The following ABCC2 variants were observed in gnomAD, a reference collection of about 807,000 sequenced individuals.
ABCC2 encodes the protein ATP binding cassette subfamily C member 2.
ABCC2 carries 157 observed loss-of-function variants against 173.4 expected under a neutral mutation model. The ratio of observed to expected loss-of-function variants is 0.91; its 90% CI spans 0.80 to 1.03. The LOEUF (loss-of-function observed/expected upper bound fraction) is 1.03. Among genes scored for constraint, ABCC2 ranks in the 50% least tolerant of loss-of-function variants. ABCC2 has a pLI of 0.00. For missense variants in ABCC2, 1,822 were observed against 1,852.3 expected, an observed-to-expected ratio of 0.98 and a Z score of 0.30; for synonymous variants, 657 against 693.5, an observed-to-expected ratio of 0.95 and a Z score of 0.83.
intron 8 of ABCC2, 43 bp from the exon 9 acceptor site, chr10:99,800,343 T>C: frequency 5.6e-6 from 9 of 1,605,290 alleles, no homozygotes; most frequent in Non-Finnish European, 7.7e-6. Flanking sequence ...GAGGCATCCT[T>C]GGAGGCCTTA....
intron 27 of ABCC2, 57 bp from the exon 28 acceptor site, chr10:99,844,265 C>CACG: frequency 6.2e-7 from 1 of 1,607,894 alleles, no homozygotes; most frequent in Non-Finnish European, 8.5e-7. Context: ...CCTGGGTGGA[C>CACG]TGTTCGGCTG....
chr10:99,822,427 T>C (rs7394179), intron 19 of ABCC2, among the ~76,000 whole-genome samples: 109,284 of 149,914 alleles, frequency 0.73, 41,197 homozygotes, highest in African/African-American at 0.93. Flanking sequence ...TGCTCGACTG[T>C]GGTGTCTCCG....
intron 23 of ABCC2, among the ~76,000 whole-genome samples, chr10:99,833,188 CAGT>C (rs1274727702): frequency 6.6e-6 from 1 of 152,216 alleles, no homozygotes; most frequent in Non-Finnish European, 1.5e-5. Context: ...GGGGCAGAAA[CAGT>C]GGGCATGATG....
intron 13 of ABCC2, among the ~76,000 whole-genome samples, chr10:99,809,234 TC>T (rs1334906936): frequency 2.0e-5 from 3 of 152,074 alleles, no homozygotes; most frequent in African/African-American, 7.2e-5. Context: ...ACACCTGTAG[TC>T]CCAGCTACTC....
rs1483880354 is a variant in ABCC2, at chr10:99,793,598, A to G, written c.381A>G (p.Lys127=). ...ACAGCAGACAATGGTGTGTACAGAA[A>G]AACTCCTGGTTCCTGTCCCTATTCT... ...IQYSRQWCVQ[K]NSWFLSLFWI... The change falls in exon 4 of 32, where the codon AAA becomes AAG. Residue 127 remains lysine, a synonymous_variant. Coordinates refer to ENST00000647814, the MANE Select transcript of ABCC2 (RefSeq NM_000392.5). The G allele has an allele frequency of 2.5e-6, 4 of 1,614,146 alleles. No homozygotes were observed. The highest frequency in any genetic ancestry group is 1.7e-5 in the Admixed American group (1 of 60,026).
Position 99,784,660 on chromosome 10 carries a change from A to G in ABCC2, c.86A>G (p.Gln29Arg), listed in dbSNP as rs761583735. The G allele has an allele frequency of 6.2e-7, 1 of 1,614,212 alleles. No individual in the cohort carries two copies. Among genetic ancestry groups the G allele is most frequent in the Non-Finnish European group, 8.5e-7 (1 of 1,180,038 alleles). ...GCAGACCTGCCACTTTGTTTTGAGC[A>G]AACTGTTCTGGTGTGGATTCCCTTG... ...PEADLPLCFEQTVLVWIPLGY... is the reference protein window; with the variant it reads ...PEADLPLCFERTVLVWIPLGY... The change falls in exon 2 of 32, where the codon CAA becomes CGA. Residue 29 changes from glutamine to arginine, a missense_variant. Coordinates refer to ENST00000647814, the MANE Select transcript of ABCC2 (RefSeq NM_000392.5).
At chr10:99,825,649 G>T (rs376299537) in intron 19 of ABCC2, among the ~76,000 whole-genome samples, 1 of 152,134 alleles carries the variant, frequency 6.6e-6, no homozygotes, top group Non-Finnish European at 1.5e-5. Flanking sequence ...CGCCTTTATA[G>T]TCTGAATCAA....
At position 99,811,610 on chromosome 10, in the gene ABCC2, G is replaced by C; in HGVS notation, c.1967+8G>C. On this transcript the variant is annotated splice_region_variant and intron_variant, in intron 15 of 31. Transcript: ENST00000647814. ...GGAAGCCACAGTCCGAGAGTGAGTT[G>C]CCTTCTTTCCATCCTAATGTTCTTT... The C allele has an allele frequency of 1.2e-6, 2 of 1,614,036 alleles. No homozygotes were observed. Among genetic ancestry groups the C allele is most frequent in the Non-Finnish European group, 1.7e-6 (2 of 1,179,944 alleles).
chr10:99,845,868 T>G, intron 29 of ABCC2, 86 bp downstream of exon 29: 1 of 1,425,828 alleles, frequency 7.0e-7, no homozygotes, highest in Non-Finnish European at 9.6e-7. Context: ...TGATGTCTGT[T>G]CAGTCAGCAC....
intron 1 of ABCC2, among the ~76,000 whole-genome samples, chr10:99,783,458 C>CA (rs1425425599): frequency 6.6e-6 from 1 of 151,892 alleles, no homozygotes; most frequent in Non-Finnish European, 1.5e-5. Context: ...TCATAGATAG[C>CA]AAAAAATTTC....
chr10:99,803,689 A>G (rs1417273401), intron 9 of ABCC2, among the ~76,000 whole-genome samples: 1 of 152,188 alleles, frequency 6.6e-6, no homozygotes, highest in Non-Finnish European at 1.5e-5. Flanking sequence ...AGTACACAGG[A>G]CGAATATCTA....
At chr10:99,797,528 T>C in intron 7 of ABCC2, 197 bp downstream of exon 7, 1 of 589,320 alleles carries the variant, frequency 1.7e-6, no homozygotes, top group Non-Finnish European at 3.0e-6. Context: ...TCTCTTTCCT[T>C]TGGGGTACTT....
At chr10:99,834,699 A>T (rs1043294816) in intron 24 of ABCC2, among the ~76,000 whole-genome samples, 164 bp downstream of exon 24, 4 of 152,210 alleles carry the variant, frequency 2.6e-5, no homozygotes, top group African/African-American at 9.7e-5. Flanking sequence ...CCCACAGGCC[A>T]CTGTCTGAAG....
Position 99,836,257 on chromosome 10 carries a change from A to T in ABCC2, c.3581A>T (p.Gln1194Leu), listed in dbSNP as rs779633376. 8.1e-6 allele frequency: 13 copies of T among 1,614,108 alleles called. No homozygotes were observed. The African/African-American group carries it at 1.7e-4, about 22-fold the overall frequency. The stretch of plus-strand genomic sequence containing the variant: ...AATGAGGTGAGGATTGACACCAACC[A>T]GAAATGTGTCTTTTCCTGGATCACC... ...KHNEVRIDTN[Q>L]KCVFSWITSN... The change falls in exon 25 of 32, where the codon CAG becomes CTG. Residue 1194 changes from glutamine (Q) to leucine (L), a missense_variant. Gln to Leu is a moderately radical substitution (Grantham distance 113). Coordinates refer to ENST00000647814, the MANE Select transcript of ABCC2 (RefSeq NM_000392.5).
In ABCC2 at chr10:99,831,808, C is replaced by T. The variant is rs201212360; in HGVS notation, c.3081C>T (p.Tyr1027=). 59 of 1,614,158 alleles carry T rather than the reference C, an allele frequency of 3.7e-5. No individual in the cohort carries two copies. The African/African-American group carries it at 4.0e-4, about 11-fold the overall frequency. ...AGAGGGACATGAGAGTTGGAGTCTA[C>T]GGAGCTCTGGGATTAGCCCAAGGTA... The part of the protein sequence containing the change: ...ASQRDMRVGV[Y]GALGLAQGIF... The change falls in exon 22 of 32, where the codon TAC becomes TAT. Residue 1027 remains tyrosine (Y), a synonymous_variant. Coordinates refer to ENST00000647814, the MANE Select transcript of ABCC2 (RefSeq NM_000392.5).
At chr10:99,784,117 C>T (rs1200573265) in intron 1 of ABCC2, among the ~76,000 whole-genome samples, 1 of 151,744 alleles carries the variant, frequency 6.6e-6, no homozygotes, top group Non-Finnish European at 1.5e-5. Context: ...CTGAAACTGG[C>T]CAGGTTTTTA....
At chr10:99,807,583 A>C (rs1023815726) in intron 12 of ABCC2, 62 bp downstream of exon 12, 345 of 1,609,768 alleles carry the variant, frequency 2.1e-4, no homozygotes, top group Non-Finnish European at 2.9e-4. Flanking sequence ...CTTCCTGAAG[A>C]GGAAGTTCAC....
intron 19 of ABCC2, among the ~76,000 whole-genome samples, chr10:99,819,773 A>G (rs2038500005): frequency 6.6e-6 from 1 of 152,210 alleles, no homozygotes; most frequent in Non-Finnish European, 1.5e-5. Context: ...TTTGAACCAG[A>G]AAAAAATTAT....
At chr10:99,801,219 T>A (rs2038010930) in intron 9 of ABCC2, among the ~76,000 whole-genome samples, 1 of 151,978 alleles carries the variant, frequency 6.6e-6, no homozygotes, top group South Asian at 2.1e-4. Flanking sequence ...ACATTGTTTG[T>A]TGTTGTTGTT....
Sources: gnomAD v4.1 joint callset for allele counts (sites outside exome capture counted in the v4.1 genomes callset) on GRCh38, gnomAD v4.1.1 for gene constraint, MANE v1.5 for transcripts, NCBI Gene and HGNC (gene_info 2026-07-23, HGNC 2026-07-21) for gene names.